CNTN5: variants seen among roughly 807,000 people sequenced by gnomAD.
CNTN5 encodes contactin 5.
CNTN5 carries 77 observed loss-of-function variants against 129.1 expected under a neutral mutation model. That is an observed-to-expected ratio of 0.60 (90% CI 0.50 to 0.72). The LOEUF (loss-of-function observed/expected upper bound fraction) is 0.72. CNTN5 is among the 30% of genes least tolerant of loss of function. The pLI is 0.00. For synonymous variants in CNTN5, 509 were observed against 465.6 expected (o/e 1.09, Z -1.20); for missense variants, 1,478 against 1,328.8 (o/e 1.11, Z -1.75).
chr11:99,820,039 G>A (rs942240891), intron 4 of CNTN5, among the ~76,000 whole-genome samples: 3 of 152,152 alleles, frequency 2.0e-5, no homozygotes, highest in African/African-American at 7.2e-5. Flanking sequence ...TAGAGACTGG[G>A]AGATAGAGAA....
chr11:99,061,382 C>A (rs76892175), intron 1 of CNTN5, among the ~76,000 whole-genome samples: 8,690 of 152,078 alleles, frequency 0.057, 326 homozygotes, highest in Non-Finnish European at 0.077. Flanking sequence ...GTATCAGCAG[C>A]AGTGGTAGTG....
intron 9 of CNTN5, among the ~76,000 whole-genome samples, chr11:100,032,483 G>T (rs1351212972): frequency 6.6e-6 from 1 of 151,790 alleles, no homozygotes; most frequent in East Asian, 1.9e-4. Flanking sequence ...ACATATATTT[G>T]TGAATGTAAT....
At chr11:100,165,985 A>G (rs963370753) in intron 13 of CNTN5, among the ~76,000 whole-genome samples, 1 of 151,728 alleles carries the variant, frequency 6.6e-6, no homozygotes, top group African/African-American at 2.4e-5. Flanking sequence ...GTGTATCACT[A>G]TGATACTCTG....
At chr11:100,091,720 C>T (rs940722402) in intron 13 of CNTN5, among the ~76,000 whole-genome samples, 1 of 152,048 alleles carries the variant, frequency 6.6e-6, no homozygotes, top group African/African-American at 2.4e-5. Flanking sequence ...AGCCACCGCG[C>T]CCAGCCTATT....
chr11:99,467,552 T>C (rs574861629), intron 2 of CNTN5, among the ~76,000 whole-genome samples: 1 of 152,280 alleles, frequency 6.6e-6, no homozygotes, highest in Non-Finnish European at 1.5e-5. Flanking sequence ...CCTTCAATTT[T>C]ATTGATCTCT....
At chr11:99,967,095 AT>A (rs1383668699) in intron 8 of CNTN5, among the ~76,000 whole-genome samples, 1 of 152,172 alleles carries the variant, frequency 6.6e-6, no homozygotes, top group Non-Finnish European at 1.5e-5. Context: ...AGGTGACTAA[AT>A]AAAGAGAGGA....
intron 15 of CNTN5, among the ~76,000 whole-genome samples, chr11:100,219,482 A>G (rs78142862): frequency 0.017 from 2,595 of 152,274 alleles, 74 homozygotes; most frequent in African/African-American, 0.06. Flanking sequence ...TAATACAGAA[A>G]TGCTACCAGC....
At chr11:99,669,226 C>T (rs542974845) in intron 3 of CNTN5, among the ~76,000 whole-genome samples, 185 of 151,914 alleles carry the variant, frequency 1.2e-3, no homozygotes, top group Non-Finnish European at 2.1e-3. Flanking sequence ...CTATAATCAA[C>T]GAAAATAAGA....
At chr11:99,592,695 T>G (rs975394346) in intron 3 of CNTN5, among the ~76,000 whole-genome samples, 3 of 152,186 alleles carry the variant, frequency 2.0e-5, no homozygotes, top group African/African-American at 7.2e-5. Context: ...CTAAGGGGAA[T>G]GTAAAATTAA....
intron 2 of CNTN5, among the ~76,000 whole-genome samples, chr11:99,480,712 T>G (rs1015646948): frequency 6.6e-6 from 1 of 152,166 alleles, no homozygotes; most frequent in Non-Finnish European, 1.5e-5. Context: ...ATAGTCATTT[T>G]TTTTGTTTTG....
At chr11:100,122,882 A>G (rs556912499) in intron 13 of CNTN5, among the ~76,000 whole-genome samples, 15 of 152,122 alleles carry the variant, frequency 9.9e-5, no homozygotes, top group Non-Finnish European at 1.8e-4. Flanking sequence ...GGAAGAATGG[A>G]TTCTAGGCAA....
chr11:99,298,642 T>A (rs1374460885), intron 1 of CNTN5, among the ~76,000 whole-genome samples: 1 of 152,156 alleles, frequency 6.6e-6, no homozygotes, highest in Non-Finnish European at 1.5e-5. Flanking sequence ...TTATCTAAAA[T>A]GTCCAGTTTT....
intron 3 of CNTN5, among the ~76,000 whole-genome samples, chr11:99,756,569 C>T (rs1186332352): frequency 6.6e-6 from 1 of 152,082 alleles, no homozygotes; most frequent in Non-Finnish European, 1.5e-5. Context: ...AGAGTTGTCT[C>T]ATTAAATACA....
chr11:99,390,054 A>G (rs531448799), intron 2 of CNTN5, among the ~76,000 whole-genome samples: 2 of 152,322 alleles, frequency 1.3e-5, no homozygotes, highest in East Asian at 1.9e-4. Flanking sequence ...GACATATAGT[A>G]GGTATATGAC....
chr11:99,074,518 T>C (rs917536643), intron 1 of CNTN5, among the ~76,000 whole-genome samples: 25 of 152,220 alleles, frequency 1.6e-4, no homozygotes, highest in African/African-American at 6.0e-4. Flanking sequence ...TTTTATTTTC[T>C]TAATTTATAG....
At chr11:100,225,708 C>T (rs972633486) in intron 16 of CNTN5, among the ~76,000 whole-genome samples, 8 of 152,018 alleles carry the variant, frequency 5.3e-5, no homozygotes, top group Non-Finnish European at 8.8e-5. Context: ...TCATCTTATA[C>T]GATTATATTT....
At position 99,253,894 on chromosome 11, in the gene CNTN5, CGTTTAT is replaced by C. The variant is rs1276919210; in HGVS notation, c.-209-71451_-209-71446del. The stretch of plus-strand genomic sequence containing the variant: ...ATGAAAATGTATTAACACAAATATA[CGTTTAT>C]ATATATATATATATATATATATATT... On this transcript the variant is annotated intron_variant, in intron 1 of 24. Transcript: ENST00000524871. Among the ~76,000 whole-genome samples, 782 of 86,334 alleles carry C rather than the reference CGTTTAT, an allele frequency of 9.1e-3. 4 individuals carry two copies. The highest frequency in any genetic ancestry group is 1.0e-2 in the Non-Finnish European group (455 of 45,516). 56.6% of individuals were successfully genotyped at this position (86,334 alleles called of 152,430 possible).
chr11:99,915,897 T>G (rs1035167192), intron 6 of CNTN5, among the ~76,000 whole-genome samples, 157 bp from the exon 7 acceptor site: 1 of 152,196 alleles, frequency 6.6e-6, no homozygotes, highest in African/African-American at 2.4e-5. Context: ...TATTTAAAAT[T>G]AGATGATGTA....
At chr11:99,279,473 G>A (rs1591461971) in intron 1 of CNTN5, among the ~76,000 whole-genome samples, 1 of 151,868 alleles carries the variant, frequency 6.6e-6, no homozygotes, top group African/African-American at 2.4e-5. Flanking sequence ...CTGCTAATGA[G>A]GAATGCCAGT....
Sources: gnomAD v4.1 joint callset for allele counts (sites outside exome capture counted in the v4.1 genomes callset) on GRCh38, gnomAD v4.1.1 for gene constraint, MANE v1.5 for transcripts, NCBI Gene and HGNC (gene_info 2026-07-23, HGNC 2026-07-21) for gene names.